Variants in B3GALT6 observed in about 807,000 individuals in gnomAD.
B3GALT6 encodes the protein GAG GalTII.
B3GALT6 carries 27 observed loss-of-function variants against 23.3 expected under a neutral mutation model. The ratio of observed to expected loss-of-function variants is 1.16; its 90% CI spans 0.85 to 1.60. The LOEUF (loss-of-function observed/expected upper bound fraction) is 1.60. B3GALT6 is among the 40% of genes most tolerant of loss of function. The pLI is 0.00. For missense variants in B3GALT6, 554 were observed against 471.1 expected (o/e 1.18, Z -1.63); for synonymous variants, 313 against 232.3 (o/e 1.35, Z -3.16).
At position 1,232,383 on chromosome 1, in the gene B3GALT6, G is replaced by A; in HGVS notation, c.105G>A (p.Glu35=). 1.0e-6 allele frequency: 1 copy of A among 985,702 alleles called. No individual in the cohort carries two copies. Among genetic ancestry groups the A allele is most frequent in the Non-Finnish European group, 1.2e-6 (1 of 832,064 alleles). The allele number at this position is 985,702 out of a possible 1,614,324, so 61.1% of individuals were successfully genotyped here. ...TCTACCTGGCGCGCTGCGCGGCCGA[G>A]CCCGGGGACCCCAGGGCGATGTCGG... ...ALLYLARCAA[E]PGDPRAMSGR... The change falls in exon 1 of 1, where the codon GAG becomes GAA. Residue 35 remains glutamate (E), a synonymous_variant. Transcript: ENST00000379198.
chr1:1,232,785 G>T lies in B3GALT6; in HGVS notation c.507G>T (p.Glu169Asp). ...CGCGGCTGGACGCGCTGCTGGCCGA[G>T]CTGCGCGCCCGCGAGCCCGCGCGCC... Reference protein sequence around the residue: ...SFARLDALLAELRAREPARRR... With the variant: ...SFARLDALLADLRAREPARRR... The change falls in exon 1 of 1, where the codon GAG (glutamate) becomes GAT (aspartate). Residue 169 changes from glutamate (E) to aspartate (D), a missense_variant. Physicochemically the swap from Glu to Asp is conservative, Grantham distance 45. Coordinates refer to ENST00000379198, the MANE Select transcript of B3GALT6 (RefSeq NM_080605.4). 1 of 1,378,012 alleles carries T rather than the reference G, an allele frequency of 7.3e-7. No homozygotes were observed. The highest frequency in any genetic ancestry group is 9.3e-7 in the Non-Finnish European group (1 of 1,069,954). The allele number at this position is 1,378,012 out of a possible 1,614,324, so 85.4% of individuals were successfully genotyped here.
Position 1,232,958 on chromosome 1 carries a change from A to G in B3GALT6, c.680A>G (p.Tyr227Cys). Residue 227 changes from tyrosine (Y) to cysteine (C), a missense_variant, in exon 1 of 1, where the codon TAC (tyrosine) becomes TGC (cysteine). Physicochemically the swap from Tyr to Cys is radical, Grantham distance 194. Coordinates refer to ENST00000379198, the MANE Select transcript of B3GALT6 (RefSeq NM_080605.4). ...GYVLSADLVH[Y>C]LRLSRDYLRA... is the part of the protein sequence containing the mutation. ...GTGCTCTCGGCCGACCTGGTGCACTACCTGCGCCTCAGCCGCGACTACCTG... is the reference window on the plus strand; with the variant it reads ...GTGCTCTCGGCCGACCTGGTGCACTGCCTGCGCCTCAGCCGCGACTACCTG... 1 of 1,564,118 alleles carries G rather than the reference A, an allele frequency of 6.4e-7. No homozygotes were observed. The highest frequency in any genetic ancestry group is 8.6e-7 in the Non-Finnish European group (1 of 1,163,164).
chr1:1,232,720 G>A lies in B3GALT6; in HGVS notation c.442G>A (p.Ala148Thr). 1 of 1,431,372 alleles carries A rather than the reference G, an allele frequency of 7.0e-7. No homozygotes were observed. Among genetic ancestry groups the A allele is most frequent in the South Asian group, 1.4e-5 (1 of 70,680 alleles). 88.7% of individuals were successfully genotyped at this position (1,431,372 alleles called of 1,614,324 possible). A position where few individuals can be genotyped will look rare whatever the true frequency, so the allele number is the denominator to read the frequency against. ...GCTGGCCTGGCTGGACGAGCACGTGGCCTTCGAGTTCGTGCTCAAGGCGGA... is the reference window on the plus strand; with the variant it reads ...GCTGGCCTGGCTGGACGAGCACGTGACCTTCGAGTTCGTGCTCAAGGCGGA... ...AMLAWLDEHV[A>T]FEFVLKADDD... The change falls in exon 1 of 1, where the codon GCC becomes ACC. Residue 148 changes from alanine to threonine, a missense_variant. Coordinates refer to ENST00000379198, the MANE Select transcript of B3GALT6 (RefSeq NM_080605.4).
Position 1,232,943 on chromosome 1 carries a change from C to T in B3GALT6, c.665C>T (p.Ala222Val), listed in dbSNP as rs1319134678. The T allele has an allele frequency of 7.0e-6, 11 of 1,564,612 alleles. No individual in the cohort carries two copies. The highest frequency in any genetic ancestry group is 9.5e-6 in the Non-Finnish European group (11 of 1,163,610). ...CTGGGCGGCGGCTACGTGCTCTCGGCCGACCTGGTGCACTACCTGCGCCTC... is the reference window on the plus strand; with the variant it reads ...CTGGGCGGCGGCTACGTGCTCTCGGTCGACCTGGTGCACTACCTGCGCCTC... ...YALGGGYVLS[A>V]DLVHYLRLSR... Residue 222 changes from alanine (A) to valine (V), a missense_variant, in exon 1 of 1, where the codon GCC (alanine) becomes GTC (valine). Physicochemically the swap from Ala to Val is moderately conservative, Grantham distance 64. Coordinates refer to ENST00000379198, the MANE Select transcript of B3GALT6 (RefSeq NM_080605.4).
Position 1,233,026 on chromosome 1 carries a change from G to A in B3GALT6, c.748G>A (p.Ala250Thr). Residue 250 changes from alanine to threonine, a missense_variant, in exon 1 of 1, where the codon GCG becomes ACG. Transcript: ENST00000379198. ...SEDVSLGAWL[A>T]PVDVQREHDP... is the part of the protein sequence containing the mutation. ...GGACGTGTCTCTGGGCGCCTGGCTG[G>A]CGCCGGTGGACGTCCAGCGGGAGCA... The A allele has an allele frequency of 1.3e-6, 2 of 1,553,124 alleles. No individual in the cohort carries two copies. Among genetic ancestry groups the A allele is most frequent in the African/African-American group, 1.4e-5 (1 of 73,576 alleles).
At position 1,232,781 on chromosome 1, in the gene B3GALT6, C is replaced by G. The variant is rs766519442; in HGVS notation, c.503C>G (p.Ala168Gly). 4 of 1,381,660 alleles carry G rather than the reference C, an allele frequency of 2.9e-6. No individual in the cohort carries two copies. The African/African-American group carries it at 4.6e-5, about 16-fold the overall frequency. 85.6% of individuals were successfully genotyped at this position (1,381,660 alleles called of 1,614,324 possible). Residue 168 changes from alanine to glycine, a missense_variant, in exon 1 of 1, where the codon GCC becomes GGC. Physicochemically the swap from Ala to Gly is moderately conservative, Grantham distance 60 (BLOSUM62 0). Coordinates refer to ENST00000379198, the MANE Select transcript of B3GALT6 (RefSeq NM_080605.4). ...DSFARLDALL[A>G]ELRAREPARR... The stretch of plus-strand genomic sequence containing the variant: ...TTCGCGCGGCTGGACGCGCTGCTGG[C>G]CGAGCTGCGCGCCCGCGAGCCCGCG...
Position 1,233,326 on chromosome 1 carries a change from G to C in B3GALT6, c.*58G>C. 7.2e-7 allele frequency: 1 copy of C among 1,393,688 alleles called. No individual in the cohort carries two copies. Among genetic ancestry groups the C allele is most frequent in the Non-Finnish European group, 9.2e-7 (1 of 1,081,580 alleles). The allele number at this position is 1,393,688 out of a possible 1,614,324, so 86.3% of individuals were successfully genotyped here. On this transcript the variant is annotated 3_prime_UTR_variant, in exon 1 of 1. Coordinates refer to ENST00000379198, the MANE Select transcript of B3GALT6 (RefSeq NM_080605.4). ...TTCACCCGGCGGCGCCTTGGGGCAG[G>C]TGCCGAGCGGGCGCACTACGCCCGG...
At position 1,232,586 on chromosome 1, in the gene B3GALT6, C is replaced by G; in HGVS notation, c.308C>G (p.Ala103Gly). ...RFAVGTAGLG[A>G]EERRALEREQ... ...GCCGTGGGCACGGCCGGCCTGGGCG[C>G]CGAGGAGCGGCGCGCCCTGGAGCGG... Residue 103 changes from alanine to glycine, a missense_variant, in exon 1 of 1, where the codon GCC becomes GGC. Coordinates refer to ENST00000379198, the MANE Select transcript of B3GALT6 (RefSeq NM_080605.4). 1 of 1,194,858 alleles carries G rather than the reference C, an allele frequency of 8.4e-7. No homozygotes were observed. Among genetic ancestry groups the G allele is most frequent in the Non-Finnish European group, 1.0e-6 (1 of 964,318 alleles). The allele number at this position is 1,194,858 out of a possible 1,614,324, so 74.0% of individuals were successfully genotyped here. A position where few individuals can be genotyped will look rare whatever the true frequency, so the allele number is the denominator to read the frequency against.
In B3GALT6 at chr1:1,233,021, G is replaced by C. The variant is rs749733048; in HGVS notation, c.743G>C (p.Trp248Ser). 1.9e-6 allele frequency: 3 copies of C among 1,553,704 alleles called. No individual in the cohort carries two copies. The highest frequency in any genetic ancestry group is 1.2e-5 in the South Asian group (1 of 85,752). The change falls in exon 1 of 1, where the codon TGG becomes TCG. Residue 248 changes from tryptophan to serine, a missense_variant. Transcript: ENST00000379198. ...WHSEDVSLGAWLAPVDVQREH... is the reference protein window; with the variant it reads ...WHSEDVSLGASLAPVDVQREH... ...AGCGAGGACGTGTCTCTGGGCGCCTGGCTGGCGCCGGTGGACGTCCAGCGG... is the reference window on the plus strand; with the variant it reads ...AGCGAGGACGTGTCTCTGGGCGCCTCGCTGGCGCCGGTGGACGTCCAGCGG...
Position 1,232,843 on chromosome 1 carries a change from C to A in B3GALT6, c.565C>A (p.Arg189Ser), listed in dbSNP as rs1478132162. Residue 189 changes from arginine to serine, a missense_variant, in exon 1 of 1, where the codon CGC (arginine) becomes AGC (serine). Arg to Ser is a moderately radical substitution (Grantham distance 110). Transcript: ENST00000379198. ...RRLYWGFFSG[R>S]GRVKPGGRWR... ...CCTCTACTGGGGCTTCTTCTCGGGC[C>A]GCGGCCGCGTCAAGCCGGGGGGGCG... 4.0e-6 allele frequency: 6 copies of A among 1,485,640 alleles called. No individual in the cohort carries two copies. In the African/African-American group the frequency reaches 7.3e-5, roughly 18 times the overall value. The allele number at this position is 1,485,640 out of a possible 1,614,324, so 92.0% of individuals were successfully genotyped here.
chr1:1,233,145 GC>G lies in B3GALT6; in HGVS notation c.868del (p.His290ThrfsTer121). Reference sequence around the variant, plus strand: ...AGAGCCTGGAGGACATGCTGGAGAAGCACGCGACGCTGGCGCGCGAGGGCCG... The same window carrying G: ...AGAGCCTGGAGGACATGCTGGAGAAGACGCGACGCTGGCGCGCGAGGGCCG... Reference protein sequence around the residue: ...KQSLEDMLEKHATLAREGRLC... With the variant: ...KQSLEDMLEKXATLAREGRLC... On this transcript the variant is annotated frameshift_variant, in exon 1 of 1. Transcript: ENST00000379198. LOFTEE classifies it high-confidence loss of function. 4 of 1,554,886 alleles carry G rather than the reference GC, an allele frequency of 2.6e-6. No homozygotes were observed. The highest frequency in any genetic ancestry group is 3.5e-6 in the Non-Finnish European group (4 of 1,154,666).
In B3GALT6 at chr1:1,233,562, CTCTTATCAGT is replaced by C; in HGVS notation, c.*295_*304del. The C allele has an allele frequency of 2.9e-6, 1 of 348,782 alleles. No homozygotes were observed. Among genetic ancestry groups the C allele is most frequent in the Non-Finnish European group, 5.4e-6 (1 of 184,406 alleles). The allele number at this position is 348,782 out of a possible 1,614,324, so 21.6% of individuals were successfully genotyped here. A position where few individuals can be genotyped will look rare whatever the true frequency, so the allele number is the denominator to read the frequency against. On this transcript the variant is annotated 3_prime_UTR_variant, in exon 1 of 1. Coordinates refer to ENST00000379198, the MANE Select transcript of B3GALT6 (RefSeq NM_080605.4). ...GGGGCTGGGCTCCGATCTTCCGTGT[CTCTTATCAGT>C]GGCGTTTCTCACGTCTGCGTCTCAG...
Position 1,232,992 on chromosome 1 carries a change from G to A in B3GALT6, c.714G>A (p.Trp238Ter). The part of the protein sequence containing the change: ...LRLSRDYLRA[W>*]HSEDVSLGAW... ...TCAGCCGCGACTACCTGCGCGCCTG[G>A]CACAGCGAGGACGTGTCTCTGGGCG... Residue 238 changes from tryptophan to a stop codon, truncating the protein, a stop_gained, in exon 1 of 1, where the codon TGG becomes TGA. Coordinates refer to ENST00000379198, the MANE Select transcript of B3GALT6 (RefSeq NM_080605.4). LOFTEE classifies it high-confidence loss of function. The A allele has an allele frequency of 6.4e-7, 1 of 1,562,898 alleles. No individual in the cohort carries two copies. Among genetic ancestry groups the A allele is most frequent in the Admixed American group, 1.8e-5 (1 of 55,110 alleles).
chr1:1,233,170 C>G lies in B3GALT6; in HGVS notation c.892C>G (p.Arg298Gly). The G allele has an allele frequency of 6.5e-7, 1 of 1,546,998 alleles. No homozygotes were observed. The highest frequency in any genetic ancestry group is 8.7e-7 in the Non-Finnish European group (1 of 1,150,592). ...EKHATLAREG[R>G]LCKREVQLRL... ...GCACGCGACGCTGGCGCGCGAGGGC[C>G]GCCTGTGCAAGCGCGAGGTGCAGCT... The change falls in exon 1 of 1, where the codon CGC (arginine) becomes GGC (glycine). Residue 298 changes from arginine (R) to glycine (G), a missense_variant. Transcript: ENST00000379198.
chr1:1,232,396 A>G lies in B3GALT6; in HGVS notation c.118A>G (p.Arg40Gly). The G allele has an allele frequency of 1.0e-6, 1 of 986,796 alleles. No homozygotes were observed. Among genetic ancestry groups the G allele is most frequent in the Non-Finnish European group, 1.2e-6 (1 of 833,020 alleles). The allele number at this position is 986,796 out of a possible 1,614,324, so 61.1% of individuals were successfully genotyped here. The change falls in exon 1 of 1, where the codon AGG (arginine) becomes GGG (glycine). Residue 40 changes from arginine to glycine, a missense_variant. Physicochemically the swap from Arg to Gly is moderately radical, Grantham distance 125. Coordinates refer to ENST00000379198, the MANE Select transcript of B3GALT6 (RefSeq NM_080605.4). ...ARCAAEPGDP[R>G]AMSGRSPPPP... is the part of the protein sequence containing the mutation. ...CTGCGCGGCCGAGCCCGGGGACCCCAGGGCGATGTCGGGCCGCAGCCCGCC... is the reference window on the plus strand; with the variant it reads ...CTGCGCGGCCGAGCCCGGGGACCCCGGGGCGATGTCGGGCCGCAGCCCGCC...
rs1638533832 is a variant in B3GALT6, at chr1:1,232,384, C to T, written c.106C>T (p.Pro36Ser). The stretch of plus-strand genomic sequence containing the variant: ...CTACCTGGCGCGCTGCGCGGCCGAG[C>T]CCGGGGACCCCAGGGCGATGTCGGG... ...LLYLARCAAE[P>S]GDPRAMSGRS... The change falls in exon 1 of 1, where the codon CCC (proline) becomes TCC (serine). Residue 36 changes from proline to serine, a missense_variant. By Grantham distance (74) the Pro-to-Ser change is moderately conservative. Coordinates refer to ENST00000379198, the MANE Select transcript of B3GALT6 (RefSeq NM_080605.4). The T allele has an allele frequency of 5.1e-6, 5 of 986,112 alleles. No individual in the cohort carries two copies. The highest frequency in any genetic ancestry group is 6.0e-6 in the Non-Finnish European group (5 of 832,188). The allele number at this position is 986,112 out of a possible 1,614,324, so 61.1% of individuals were successfully genotyped here. A position where few individuals can be genotyped will look rare whatever the true frequency, so the allele number is the denominator to read the frequency against.
rs1057522880 is a variant in B3GALT6, at chr1:1,232,645, C to T, written c.367C>T (p.Pro123Ser). Residue 123 changes from proline to serine, a missense_variant, in exon 1 of 1, where the codon CCC (proline) becomes TCC (serine). Physicochemically the swap from Pro to Ser is moderately conservative, Grantham distance 74 (BLOSUM62 -1). Transcript: ENST00000379198. The stretch of plus-strand genomic sequence containing the variant: ...GCGGCACGGGGACCTGCTGCTGCTG[C>T]CCGCGCTGCGCGACGCCTACGAAAA... ...QARHGDLLLLPALRDAYENLT... is the reference protein window; with the variant it reads ...QARHGDLLLLSALRDAYENLT... 7.2e-5 allele frequency: 93 copies of T among 1,293,252 alleles called. No homozygotes were observed. Among genetic ancestry groups the T allele is most frequent in the Non-Finnish European group, 9.0e-5 (92 of 1,017,396 alleles). 80.1% of individuals were successfully genotyped at this position (1,293,252 alleles called of 1,614,324 possible).
rs920475382 is a variant in B3GALT6, at chr1:1,233,399, G to A, written c.*131G>A. ...GCCACGCTTGTGGTCGCTGCGTCCC[G>A]GTCTGCGTTTGGGAGACCCCTGGGG... On this transcript the variant is annotated 3_prime_UTR_variant, in exon 1 of 1. Transcript: ENST00000379198. 12 of 1,236,080 alleles carry A rather than the reference G, an allele frequency of 9.7e-6. No homozygotes were observed. Among genetic ancestry groups the A allele is most frequent in the Non-Finnish European group, 1.1e-5 (10 of 947,880 alleles). 76.6% of individuals were successfully genotyped at this position (1,236,080 alleles called of 1,614,324 possible).
chr1:1,234,571 T>C lies in B3GALT6; in HGVS notation c.*1303T>C, dbSNP rs1439618576. ...TTGAATCCAGGACTGACCGCCCGTG[T>C]GTGCACAGTTTGTTCTTGGACGAGG... On this transcript the variant is annotated 3_prime_UTR_variant, in exon 1 of 1. Transcript: ENST00000379198. 6.0e-6 allele frequency: 1 copy of C among 166,924 alleles called. No homozygotes were observed. The highest frequency in any genetic ancestry group is 1.5e-5 in the Non-Finnish European group (1 of 68,176). The allele number at this position is 166,924 out of a possible 1,614,324, so 10.3% of individuals were successfully genotyped here. A position where few individuals can be genotyped will look rare whatever the true frequency, so the allele number is the denominator to read the frequency against.
Sources: allele counts gnomAD v4.1 joint callset, GRCh38; gene constraint gnomAD v4.1.1; transcripts MANE v1.5; gene names NCBI Gene and HGNC (gene_info 2026-07-23, HGNC 2026-07-21).